Variants in GALNT13 observed in about 807,000 individuals in gnomAD.
GALNT13 encodes UDP-GalNAc:polypeptide N-acetylgalactosaminyltransferase 13.
In GALNT13, 28 loss-of-function variants were observed where a neutral mutation model predicts 64.2. That is an observed-to-expected ratio of 0.44 (90% CI 0.32 to 0.60). The LOEUF (loss-of-function observed/expected upper bound fraction) is 0.60. Among genes scored for constraint, GALNT13 ranks in the 20% least tolerant of loss-of-function variants. The probability of loss-of-function intolerance (pLI) is 0.05; values close to 1 mark genes in which losing one functional copy is unlikely to be tolerated. For synonymous variants in GALNT13, 214 were observed against 224.6 expected, an observed-to-expected ratio of 0.95 and a Z score of 0.42; for missense variants, 577 against 669.8, an observed-to-expected ratio of 0.86 and a Z score of 1.53.
chr2:153,947,485 C>T (rs1264075538), intron 3 of GALNT13, among the ~76,000 whole-genome samples: 1 of 149,054 alleles, frequency 6.7e-6, no homozygotes, highest in African/African-American at 2.5e-5. Flanking sequence ...CATATGCCTT[C>T]TTTTGAGGAG....
chr2:154,282,810 G>A (rs1692035434), intron 8 of GALNT13, among the ~76,000 whole-genome samples: 3 of 152,124 alleles, frequency 2.0e-5, no homozygotes, highest in Admixed American at 2.0e-4. Context: ...ATAACTTGAT[G>A]TAGAAAAATC....
chr2:154,388,772 TAAC>T (rs913468169), intron 9 of GALNT13, among the ~76,000 whole-genome samples: 1 of 152,116 alleles, frequency 6.6e-6, no homozygotes, highest in African/African-American at 2.4e-5. Flanking sequence ...TGAGAGTAAA[TAAC>T]AAAATAAAGT....
At chr2:154,061,217 A>T (rs1007724363) in intron 3 of GALNT13, among the ~76,000 whole-genome samples, 1 of 152,030 alleles carries the variant, frequency 6.6e-6, no homozygotes, top group Non-Finnish European at 1.5e-5. Context: ...AATATATTTT[A>T]TGTTATTTTT....
the GALNT13 span, among the ~76,000 whole-genome samples, chr2:153,494,996 A>G: frequency 1.3e-5 from 2 of 152,176 alleles, no homozygotes; most frequent in Non-Finnish European, 2.9e-5. Context: ...AATTGGGAAA[A>G]TGCATTTAAA....
chr2:154,252,469 G>C (rs991447838), intron 7 of GALNT13, among the ~76,000 whole-genome samples: 40 of 151,084 alleles, frequency 2.6e-4, no homozygotes, highest in African/African-American at 9.5e-4. Flanking sequence ...CCATTCCCCT[G>C]CCTCAGCCTC....
chr2:153,466,195 C>G, the GALNT13 span, among the ~76,000 whole-genome samples: 1 of 152,152 alleles, frequency 6.6e-6, no homozygotes, highest in Non-Finnish European at 1.5e-5. Flanking sequence ...AAGCTCCAAC[C>G]ATTAGAAAGA....
chr2:153,303,515 A>G, the GALNT13 span, among the ~76,000 whole-genome samples: 1 of 152,076 alleles, frequency 6.6e-6, no homozygotes, highest in Non-Finnish European at 1.5e-5. Context: ...ACAGTCAACT[A>G]TTTTGCAATT....
chr2:154,216,917 T>C (rs746782166), intron 4 of GALNT13, among the ~76,000 whole-genome samples: 1 of 147,588 alleles, frequency 6.8e-6, no homozygotes, highest in Admixed American at 6.9e-5. Context: ...GCCTCCCAGG[T>C]AACTAGGACT....
chr2:153,963,727 C>CTGTGTG (rs1453388252), intron 3 of GALNT13, among the ~76,000 whole-genome samples: 67 of 96,728 alleles, frequency 6.9e-4, no homozygotes, highest in African/African-American at 2.7e-3. Context: ...CTCTCTCTCT[C>CTGTGTG]TCTCTGTGTG....
At chr2:154,429,691 A>T (rs1227812586) in intron 11 of GALNT13, among the ~76,000 whole-genome samples, 1 of 152,230 alleles carries the variant, frequency 6.6e-6, no homozygotes, top group Admixed American at 6.5e-5. Flanking sequence ...ACAGCACCCA[A>T]TTGGAAGAAG....
chr2:153,244,992 A>G, the GALNT13 span, among the ~76,000 whole-genome samples: 3 of 152,226 alleles, frequency 2.0e-5, no homozygotes, highest in Non-Finnish European at 4.4e-5. Context: ...TTCCCCTGAC[A>G]GTGCTAAGGA....
the GALNT13 span, among the ~76,000 whole-genome samples, chr2:153,170,692 C>G: frequency 6.6e-6 from 1 of 152,136 alleles, no homozygotes. Context: ...CATTAGCCAA[C>G]TGAAACAAAT....
the GALNT13 span, among the ~76,000 whole-genome samples, chr2:153,667,691 A>G: frequency 3.9e-5 from 6 of 152,366 alleles, no homozygotes; most frequent in South Asian, 8.3e-4. Flanking sequence ...TACATAGAGC[A>G]TTGATGCTAT....
chr2:153,340,687 C>T, the GALNT13 span, among the ~76,000 whole-genome samples: 3 of 151,410 alleles, frequency 2.0e-5, no homozygotes, highest in African/African-American at 7.3e-5. Context: ...AGTTGGCATA[C>T]TAGTTTTGTC....
intron 11 of GALNT13, among the ~76,000 whole-genome samples, chr2:154,422,663 T>C (rs1156473884): frequency 6.6e-6 from 1 of 152,202 alleles, no homozygotes; most frequent in Non-Finnish European, 1.5e-5. Flanking sequence ...GACTGTAATA[T>C]GCAAAATTTG....
intron 3 of GALNT13, among the ~76,000 whole-genome samples, chr2:154,056,917 C>A (rs1383255022): frequency 6.6e-6 from 1 of 151,720 alleles, no homozygotes; most frequent in African/African-American, 2.4e-5. Context: ...TTCTTTGACT[C>A]AAGAATTTCT....
intron 4 of GALNT13, among the ~76,000 whole-genome samples, chr2:154,240,535 C>T (rs1573937476): frequency 1.3e-5 from 2 of 152,278 alleles, no homozygotes; most frequent in African/African-American, 2.4e-5. Context: ...CCCTCTCACA[C>T]GGCGTGTGAT....
chr2:153,533,947 A>G, the GALNT13 span, among the ~76,000 whole-genome samples: 3 of 151,088 alleles, frequency 2.0e-5, no homozygotes, highest in Non-Finnish European at 4.4e-5. Context: ...TATATTGCCC[A>G]GGCAGGTCTC....
At chr2:153,142,566 A>C in the GALNT13 span, among the ~76,000 whole-genome samples, 2 of 151,950 alleles carry the variant, frequency 1.3e-5, no homozygotes, top group Admixed American at 6.6e-5. Context: ...TCCCAATTTT[A>C]GAAAAATGAG....
Sources: gnomAD v4.1 joint callset for allele counts (sites outside exome capture counted in the v4.1 genomes callset) on GRCh38, gnomAD v4.1.1 for gene constraint, MANE v1.5 for transcripts, NCBI Gene and HGNC (gene_info 2026-07-23, HGNC 2026-07-21) for gene names.